NEGR1: variants seen among roughly 807,000 people sequenced by gnomAD.
The protein encoded by NEGR1 is neuronal growth regulator 1, also known as IgLON family member 4.
A neutral mutation model predicts 40.9 loss-of-function variants in NEGR1; 10 were observed. The observed-to-expected ratio is 0.24, with a 90% CI of 0.15 to 0.42. The LOEUF is 0.42. Among genes scored for constraint, NEGR1 ranks in the 10% least tolerant of loss-of-function variants. The pLI is 1.00. For missense variants in NEGR1, 352 were observed against 438.9 expected (o/e 0.80, Z 1.77); for synonymous variants, 185 against 166.8 (o/e 1.11, Z -0.84).
At chr1:71,964,060 C>G (rs1423960877) in intron 1 of NEGR1, among the ~76,000 whole-genome samples, 1 of 152,228 alleles carries the variant, frequency 6.6e-6, no homozygotes, top group Non-Finnish European at 1.5e-5. Context: ...TAAAGTTCTA[C>G]AAAAGTGACA....
chr1:71,832,994 C>T (rs190375846), intron 2 of NEGR1, among the ~76,000 whole-genome samples: 241 of 152,008 alleles, frequency 1.6e-3, no homozygotes, highest in African/African-American at 5.7e-3. Context: ...CTGTGATGTC[C>T]TGAAGTAGCA....
intron 1 of NEGR1, among the ~76,000 whole-genome samples, chr1:72,032,584 G>A (rs1228655522): frequency 6.6e-6 from 1 of 152,106 alleles, no homozygotes; most frequent in Non-Finnish European, 1.5e-5. Context: ...GTTTCCTTCA[G>A]TTTATTCACA....
intron 3 of NEGR1, among the ~76,000 whole-genome samples, chr1:71,737,449 T>C (rs980425645): frequency 8.5e-5 from 13 of 152,120 alleles, no homozygotes; most frequent in African/African-American, 2.7e-4. Flanking sequence ...CATGTTTTTG[T>C]TGTAGCAACA....
intron 6 of NEGR1, among the ~76,000 whole-genome samples, chr1:71,451,779 T>C (rs977558409): frequency 6.6e-6 from 1 of 152,232 alleles, no homozygotes; most frequent in Non-Finnish European, 1.5e-5. Context: ...TCCTCTGAAA[T>C]AGGATATTTT....
intron 2 of NEGR1, among the ~76,000 whole-genome samples, chr1:71,928,513 T>C (rs564947331): frequency 1.5e-4 from 20 of 135,608 alleles, no homozygotes; most frequent in Admixed American, 9.9e-4. Flanking sequence ...TATACATGTG[T>C]ATATATATAC....
chr1:71,674,586 GCACA>G (rs3220087), intron 4 of NEGR1, among the ~76,000 whole-genome samples: 12,651 of 146,588 alleles, frequency 0.086, 553 homozygotes, highest in Middle Eastern at 0.15. Context: ...TGCTGGGAGG[GCACA>G]CACACACACA....
intron 1 of NEGR1, among the ~76,000 whole-genome samples, chr1:71,942,021 G>C (rs931624513): frequency 2.6e-5 from 4 of 151,086 alleles, no homozygotes; most frequent in South Asian, 4.2e-4. Context: ...AATAAAACAT[G>C]TACATTTATT....
chr1:71,837,135 A>C (rs1488364433), intron 2 of NEGR1: 1 of 152,114 alleles, frequency 6.6e-6, no homozygotes, highest in Non-Finnish European at 1.5e-5. Flanking sequence ...AAGTAACTCC[A>C]TGATTAGCAA....
At chr1:72,103,573 A>G (rs1290850707) in intron 1 of NEGR1, among the ~76,000 whole-genome samples, 4 of 152,102 alleles carry the variant, frequency 2.6e-5, no homozygotes, top group Non-Finnish European at 5.9e-5. Context: ...AGAAATAATA[A>G]TCATGTCTAA....
At chr1:71,959,878 G>A (rs1271483634) in intron 1 of NEGR1, among the ~76,000 whole-genome samples, 1 of 151,888 alleles carries the variant, frequency 6.6e-6, no homozygotes, top group Non-Finnish European at 1.5e-5. Context: ...CACAGACAAC[G>A]TTGTTAAATA....
intron 4 of NEGR1, among the ~76,000 whole-genome samples, chr1:71,637,516 C>A (rs1026453610): frequency 1.3e-5 from 2 of 151,660 alleles, no homozygotes; most frequent in African/African-American, 2.4e-5. Flanking sequence ...CTATAGATAG[C>A]AAAGCAGCAG....
intron 2 of NEGR1, among the ~76,000 whole-genome samples, chr1:71,899,555 A>C (rs1661090742): frequency 6.6e-6 from 1 of 152,224 alleles, no homozygotes; most frequent in Non-Finnish European, 1.5e-5. Context: ...ATGGTTAAAA[A>C]GTTACACAGT....
chr1:71,829,841 G>T (rs1658777238), intron 2 of NEGR1, among the ~76,000 whole-genome samples: 1 of 151,884 alleles, frequency 6.6e-6, no homozygotes, highest in African/African-American at 2.4e-5. Context: ...TTCTCAAGGT[G>T]GTTTGGCCAG....
intron 3 of NEGR1, among the ~76,000 whole-genome samples, chr1:71,714,903 C>A (rs988336538): frequency 2.0e-5 from 3 of 152,210 alleles, no homozygotes; most frequent in Non-Finnish European, 2.9e-5. Context: ...CCTCTTCCAA[C>A]AGCTACATTA....
At chr1:72,140,091 A>T (rs1482991972) in intron 1 of NEGR1, among the ~76,000 whole-genome samples, 1 of 152,092 alleles carries the variant, frequency 6.6e-6, no homozygotes, top group Non-Finnish European at 1.5e-5. Flanking sequence ...TTCTCATGAA[A>T]CTATCAACAT....
chr1:71,703,915 T>C (rs1011961580), intron 3 of NEGR1, among the ~76,000 whole-genome samples: 1 of 151,888 alleles, frequency 6.6e-6, no homozygotes, highest in Non-Finnish European at 1.5e-5. Flanking sequence ...CTGAATTTGA[T>C]GCATACAATA....
intron 1 of NEGR1, among the ~76,000 whole-genome samples, chr1:72,195,148 C>A (rs1392493004): frequency 6.6e-6 from 1 of 151,930 alleles, no homozygotes; most frequent in Non-Finnish European, 1.5e-5. Flanking sequence ...AAGCCAATAA[C>A]CTAACTGAAG....
At chr1:72,042,941 G>T (rs1646968792) in intron 1 of NEGR1, among the ~76,000 whole-genome samples, 1 of 151,948 alleles carries the variant, frequency 6.6e-6, no homozygotes, top group African/African-American at 2.4e-5. Context: ...AAACTGTTTT[G>T]TGCTACACTC....
chr1:71,628,805 A>T (rs1650876651), intron 4 of NEGR1, among the ~76,000 whole-genome samples: 1 of 152,138 alleles, frequency 6.6e-6, no homozygotes, highest in Non-Finnish European at 1.5e-5. Flanking sequence ...TTCTTTATCC[A>T]GTCTATCACT....
Sources: allele counts gnomAD v4.1 joint callset (sites outside exome capture counted in the v4.1 genomes callset), GRCh38; gene constraint gnomAD v4.1.1; transcripts MANE v1.5; gene names NCBI Gene and HGNC (gene_info 2026-07-23, HGNC 2026-07-21).